BAZ2A: variants seen among roughly 807,000 people sequenced by gnomAD.
BAZ2A encodes bromodomain adjacent to zinc finger domain 2A, also known as bromodomain adjacent to zinc finger domain protein 2A.
Under a neutral mutation model 199.9 loss-of-function variants are expected in BAZ2A, and 34 were observed. The observed-to-expected ratio is 0.17, with a 90% CI of 0.13 to 0.23. The LOEUF (loss-of-function observed/expected upper bound fraction) is 0.23, where lower values mean the gene tolerates loss of function less well. Among genes scored for constraint, BAZ2A ranks in the 10% least tolerant of loss-of-function variants. The pLI, the probability that BAZ2A is intolerant of heterozygous loss-of-function variation, is 1.00. For synonymous variants in BAZ2A, 857 were observed against 883.9 expected, an observed-to-expected ratio of 0.97 and a Z score of 0.54; for missense variants, 2,002 against 2,391.1, an observed-to-expected ratio of 0.84 and a Z score of 3.39.
At chr12:56,624,806 C>CA (rs1171772389) in intron 1 of BAZ2A, among the ~76,000 whole-genome samples, 4 of 152,056 alleles carry the variant, frequency 2.6e-5, no homozygotes, top group African/African-American at 9.7e-5. Context: ...CCTGTAGTGC[C>CA]AGGTTCTCCG....
At chr12:56,628,059 G>A (rs1267623108) in intron 1 of BAZ2A, among the ~76,000 whole-genome samples, 2 of 149,456 alleles carry the variant, frequency 1.3e-5, no homozygotes, top group African/African-American at 4.9e-5. Flanking sequence ...GCGGGCTCCT[G>A]TAATCCCAGC....
intron 1 of BAZ2A, among the ~76,000 whole-genome samples, chr12:56,629,303 G>A (rs537972688): frequency 1.5e-3 from 226 of 152,242 alleles, no homozygotes; most frequent in Non-Finnish European, 2.2e-3. Context: ...CCCTACAAAG[G>A]ACAACTGCTA....
chr12:56,619,346 A>C (rs1379750704), intron 1 of BAZ2A, among the ~76,000 whole-genome samples: 1 of 140,612 alleles, frequency 7.1e-6, no homozygotes, highest in Non-Finnish European at 1.6e-5. Context: ...ACTTCATCTC[A>C]AAAAAAAAAA....
In BAZ2A at chr12:56,599,314, A is replaced by G. The variant is rs376855510; in HGVS notation, c.5217T>C (p.Arg1739=). 1 of 1,613,652 alleles carries G rather than the reference A, an allele frequency of 6.2e-7. No homozygotes were observed. Among genetic ancestry groups the G allele is most frequent in the African/African-American group, 1.3e-5 (1 of 75,042 alleles). The part of the protein sequence containing the change: ...EFTQKPGFPK[R]GQKRKSGYSL... ...AATAACCACTTTTCCGCTTCTGGCC[A>G]CGCTTTGGGAAACCAGGCTTCTGAG... is the stretch of plus-strand genomic sequence containing the variant. The change falls in exon 27 of 29, where the codon CGT becomes CGC. Residue 1739 remains arginine, a synonymous_variant. Coordinates refer to ENST00000549884, the MANE Select transcript of BAZ2A (RefSeq NM_001300905.2).
At chr12:56,634,802 T>G, upstream of BAZ2A, 1 of 706,702 alleles carries the variant, frequency 1.4e-6, no homozygotes, top group Non-Finnish European at 1.7e-6. Context: ...GGCGAGTAGA[T>G]AGTTCAGGGG....
upstream of BAZ2A, among the ~76,000 whole-genome samples, chr12:56,632,179 T>G (rs369293740): frequency 2.6e-5 from 4 of 152,260 alleles, no homozygotes. Context: ...GAGGTCACAC[T>G]CAGGGTAGAG....
At chr12:56,605,783 G>C (rs1950330120) in intron 13 of BAZ2A, 47 bp downstream of exon 13, 1 of 1,499,280 alleles carries the variant, frequency 6.7e-7, no homozygotes, top group Non-Finnish European at 9.0e-7. Flanking sequence ...TTTTTTAAAG[G>C]AAAGTCTTCC....
At position 56,597,562 on chromosome 12, in the gene BAZ2A, G is replaced by GCGCGCACA. The variant is rs1555204160; in HGVS notation, c.*1055_*1056insTGTGCGCG. ...TCAAACAATACAGGGTCACAAGCAC[G>GCGCGCACA]CACACACACACACACACACAGCGCG... On this transcript the variant is annotated 3_prime_UTR_variant, in exon 29 of 29. Transcript: ENST00000549884. 4 of 138,718 alleles carry GCGCGCACA rather than the reference G, an allele frequency of 2.9e-5. No individual in the cohort carries two copies. The highest frequency in any genetic ancestry group is 1.2e-4 in the African/African-American group (4 of 33,652). The allele number at this position is 138,718 out of a possible 1,614,324, so 8.6% of individuals were successfully genotyped here. A position where few individuals can be genotyped will look rare whatever the true frequency, so the allele number is the denominator to read the frequency against.
At chr12:56,616,892 G>T (rs1565828072) in intron 2 of BAZ2A, among the ~76,000 whole-genome samples, 1 of 152,168 alleles carries the variant, frequency 6.6e-6, no homozygotes, top group Non-Finnish European at 1.5e-5. Context: ...ATGGAATTAT[G>T]AACTTCTCTC....
At chr12:56,634,890 C>A (rs1951409934), upstream of BAZ2A, 9 of 983,644 alleles carry the variant, frequency 9.1e-6, no homozygotes, top group Non-Finnish European at 1.1e-5. Flanking sequence ...GGCAGGATAC[C>A]GCAGGAACGG....
Position 56,609,804 on chromosome 12 carries a change from G to T in BAZ2A, c.2024C>A (p.Pro675His). The part of the protein sequence containing the change: ...PKVKRGRGRP[P>H]KVKITELLNK... The stretch of plus-strand genomic sequence containing the variant: ...CAATAGCTCAGTGATTTTGACCTTA[G>T]GTGGCCGACCTCGACCCCGTTTCAC... The change falls in exon 10 of 29, where the codon CCT becomes CAT. Residue 675 changes from proline to histidine, a missense_variant. Physicochemically the swap from Pro to His is moderately conservative, Grantham distance 77. Transcript: ENST00000549884. 6.2e-7 allele frequency: 1 copy of T among 1,613,828 alleles called. No homozygotes were observed. The highest frequency in any genetic ancestry group is 8.5e-7 in the Non-Finnish European group (1 of 1,179,840).
At chr12:56,604,521 A>C in intron 15 of BAZ2A, 64 bp downstream of exon 15, 2 of 1,487,394 alleles carry the variant, frequency 1.3e-6, no homozygotes, top group South Asian at 2.6e-5. Context: ...CTGGAAGGCT[A>C]CAAGTCCTCC....
upstream of BAZ2A, among the ~76,000 whole-genome samples, chr12:56,633,374 A>T (rs1555213748): frequency 6.6e-6 from 1 of 152,060 alleles, no homozygotes; most frequent in Non-Finnish European, 1.5e-5. Flanking sequence ...CCCCCTCCAA[A>T]CATGACTTAG....
upstream of BAZ2A, among the ~76,000 whole-genome samples, chr12:56,633,981 C>T (rs939246337): frequency 6.6e-6 from 1 of 152,168 alleles, no homozygotes; most frequent in African/African-American, 2.4e-5. Context: ...GATCTGCCCA[C>T]CTTGGCCTCC....
At chr12:56,638,227 A>C (rs976352267), upstream of BAZ2A, 2 of 982,980 alleles carry the variant, frequency 2.0e-6, no homozygotes, top group Non-Finnish European at 3.1e-6. Flanking sequence ...CAGAAAGAAT[A>C]TATCTTCAAT....
In BAZ2A at chr12:56,600,224, G is replaced by A. The variant is rs758156358; in HGVS notation, c.4869C>T (p.Ala1623=). ...ACATCTCTGTAGTGGTGCCCTCAGG[G>A]GCACCATTAGGTGTGCTAAGCAGGG... is the stretch of plus-strand genomic sequence containing the variant. ...EKALLSTPNG[A]PEGTTTEISY... The change falls in exon 24 of 29, where the codon GCC becomes GCT. Residue 1623 remains alanine (A), a synonymous_variant. Transcript: ENST00000549884. The A allele has an allele frequency of 3.1e-6, 5 of 1,613,972 alleles. No individual in the cohort carries two copies. The South Asian group carries it at 5.5e-5, about 18-fold the overall frequency.
Position 56,605,066 on chromosome 12 carries a change from C to T in BAZ2A, c.2748+7G>A. 6.3e-7 allele frequency: 1 copy of T among 1,594,262 alleles called. No individual in the cohort carries two copies. Among genetic ancestry groups the T allele is most frequent in the Non-Finnish European group, 8.6e-7 (1 of 1,167,224 alleles). On this transcript the variant is annotated splice_region_variant and intron_variant, in intron 14 of 28. Coordinates refer to ENST00000549884, the MANE Select transcript of BAZ2A (RefSeq NM_001300905.2). ...TCCTGGTTACTTTGGGAGGGACTTGCACTCACCTGACAGTAGGAGGGAAAG... is the reference window on the plus strand; with the variant it reads ...TCCTGGTTACTTTGGGAGGGACTTGTACTCACCTGACAGTAGGAGGGAAAG...
Position 56,623,815 on chromosome 12 carries a change from C to G in BAZ2A, c.-2-6283G>C, listed in dbSNP as rs534368503. On this transcript the variant is annotated intron_variant, in intron 1 of 28. Transcript: ENST00000549884. ...TCAATAGTGCCAAGGCTGAGAAACC[C>G]TGTTCTAATGTAAAAGCTGTCCCAT... Among the ~76,000 whole-genome samples, 3 of 152,292 alleles carry G rather than the reference C, an allele frequency of 2.0e-5. No homozygotes were observed. In the South Asian group the frequency reaches 6.2e-4, roughly 32 times the overall value.
At position 56,623,358 on chromosome 12, in the gene BAZ2A, C is replaced by T. The variant is rs540967356; in HGVS notation, c.-2-5826G>A. Among the ~76,000 whole-genome samples, 19 of 152,284 alleles carry T rather than the reference C, an allele frequency of 1.2e-4. No individual in the cohort carries two copies. In the South Asian group the frequency reaches 3.7e-3, roughly 30 times the overall value. On this transcript the variant is annotated intron_variant, in intron 1 of 28. Coordinates refer to ENST00000549884, the MANE Select transcript of BAZ2A (RefSeq NM_001300905.2). Reference sequence around the variant, plus strand: ...CCCTCCAGCCTCTGAGGCTACCCCCCAGGACAACAAGACACATTAACACCC... The same window carrying T: ...CCCTCCAGCCTCTGAGGCTACCCCCTAGGACAACAAGACACATTAACACCC...
Sources: gnomAD v4.1 joint callset for allele counts (sites outside exome capture counted in the v4.1 genomes callset) on GRCh38, gnomAD v4.1.1 for gene constraint, MANE v1.5 for transcripts, NCBI Gene and HGNC (gene_info 2026-07-23, HGNC 2026-07-21) for gene names.